Variants in ELAVL4 observed in about 807,000 individuals in gnomAD.
The protein encoded by ELAVL4 is ELAV like RNA binding protein 4.
ELAVL4 carries 1 observed loss-of-function variant against 35.6 expected under a neutral mutation model. The ratio of observed to expected loss-of-function variants is 0.03; its 90% CI spans 0.01 to 0.13. The LOEUF (loss-of-function observed/expected upper bound fraction) is 0.13, where lower values mean the gene tolerates loss of function less well. Among genes scored for constraint, ELAVL4 ranks in the 10% least tolerant of loss-of-function variants. The pLI is 1.00. For synonymous variants in ELAVL4, 156 were observed against 171.0 expected, an observed-to-expected ratio of 0.91 and a Z score of 0.69; for missense variants, 267 against 464.9, an observed-to-expected ratio of 0.57 and a Z score of 3.91.
intron 1 of ELAVL4, among the ~76,000 whole-genome samples, chr1:50,138,963 A>G (rs1406146294): frequency 6.6e-6 from 1 of 152,196 alleles, no homozygotes; most frequent in Non-Finnish European, 1.5e-5. Context: ...GTATACTTTA[A>G]AACTATTTAG....
At chr1:50,171,838 C>G (rs896472701) in intron 2 of ELAVL4, among the ~76,000 whole-genome samples, 1 of 152,164 alleles carries the variant, frequency 6.6e-6, no homozygotes, top group African/African-American at 2.4e-5. Context: ...GTGAAGGAGT[C>G]CCAGGATATG....
rs969828287 is a variant in ELAVL4 at position 50,195,758 on chromosome 1, C to T, written c.706C>T (p.Pro236Ser). 8.7e-6 allele frequency: 14 copies of T among 1,614,022 alleles called. No homozygotes were observed. In the African/African-American group the frequency reaches 1.5e-4, roughly 17 times the overall value. ...GTCCCCCAACCGGCGCTACCCAGGT[C>T]CACTTCACCACCAGGCTCAGAGGTT... The part of the protein sequence containing the change: ...YQSPNRRYPG[P>S]LHHQAQRFRL... Residue 236 changes from proline (P) to serine (S), a missense_variant, in exon 5 of 7, where the codon CCA (proline) becomes TCA (serine). By Grantham distance (74) the Pro-to-Ser change is moderately conservative. This residue lies in a region of ELAVL4 where 216 missense variants were observed against 409.5 expected (regional missense o/e 0.53). Transcript: ENST00000371824.
At chr1:50,141,436 C>T (rs112263153) in intron 1 of ELAVL4, among the ~76,000 whole-genome samples, 79 of 152,222 alleles carry the variant, frequency 5.2e-4, no homozygotes, top group Non-Finnish European at 9.1e-4. Context: ...ATCGAGTTGG[C>T]AGTGCTTCTT....
intron 1 of ELAVL4, among the ~76,000 whole-genome samples, chr1:50,081,074 A>T (rs1489223543): frequency 6.6e-6 from 1 of 152,170 alleles, no homozygotes; most frequent in Non-Finnish European, 1.5e-5. Flanking sequence ...TTTCTGACAA[A>T]AGGAAAACTT....
At chr1:50,057,559 T>G (rs1271285833) in intron 1 of ELAVL4, among the ~76,000 whole-genome samples, 1 of 152,204 alleles carries the variant, frequency 6.6e-6, no homozygotes, top group Non-Finnish European at 1.5e-5. Context: ...TTTTAATCTT[T>G]TATTCTCTAT....
At chr1:50,194,937 G>T (rs957251184) in intron 4 of ELAVL4, among the ~76,000 whole-genome samples, 4 of 152,168 alleles carry the variant, frequency 2.6e-5, no homozygotes, top group Admixed American at 1.3e-4. Context: ...GGCAGTTCAG[G>T]GTGGCTGGTG....
At chr1:50,055,562 G>T (rs1663617198) in intron 1 of ELAVL4, among the ~76,000 whole-genome samples, 3 of 152,070 alleles carry the variant, frequency 2.0e-5, no homozygotes, top group Admixed American at 2.0e-4. Context: ...GCCTCCCAAA[G>T]TGCTGGGATT....
intron 1 of ELAVL4, among the ~76,000 whole-genome samples, chr1:50,142,733 A>G (rs1406178951): frequency 6.6e-6 from 1 of 152,184 alleles, no homozygotes; most frequent in Non-Finnish European, 1.5e-5. Flanking sequence ...CTAAATATAC[A>G]TACACCCTAT....
At chr1:50,108,091 A>C (rs1666500504), upstream of ELAVL4, among the ~76,000 whole-genome samples, 2 of 152,194 alleles carry the variant, frequency 1.3e-5, no homozygotes, top group African/African-American at 4.8e-5. Flanking sequence ...GTTTTAGTGG[A>C]TTTTTAAAAA....
At chr1:50,178,492 T>C (rs1412205091) in intron 3 of ELAVL4, among the ~76,000 whole-genome samples, 11 of 152,206 alleles carry the variant, frequency 7.2e-5, no homozygotes, top group Admixed American at 7.2e-4. Context: ...ACTTTTGCAA[T>C]TGAGTTTAGC....
chr1:50,164,967 C>T (rs1266664269), intron 2 of ELAVL4, among the ~76,000 whole-genome samples: 1 of 152,134 alleles, frequency 6.6e-6, no homozygotes, highest in African/African-American at 2.4e-5. Context: ...ATCTTGTTCC[C>T]ATGTTGCTCC....
chr1:50,048,213 C>A, intron 1 of ELAVL4: 2 of 1,500,906 alleles, frequency 1.3e-6, no homozygotes, highest in Admixed American at 2.1e-5. Context: ...GCCCCGCACC[C>A]CCGACTCTGC....
At chr1:50,159,715 C>A (rs1284983610) in intron 2 of ELAVL4, among the ~76,000 whole-genome samples, 1 of 152,164 alleles carries the variant, frequency 6.6e-6, no homozygotes, top group Non-Finnish European at 1.5e-5. Context: ...CCCAAGGAAC[C>A]CTTTTCCCTC....
At chr1:50,168,726 C>T (rs1678423954) in intron 2 of ELAVL4, among the ~76,000 whole-genome samples, 1 of 152,022 alleles carries the variant, frequency 6.6e-6, no homozygotes, top group South Asian at 2.1e-4. Context: ...TTGCATAACG[C>T]TCTAAACAGG....
chr1:50,200,765 G>C (rs1294646701), intron 6 of ELAVL4, 86 bp from the exon 7 acceptor site: 4 of 1,556,072 alleles, frequency 2.6e-6, no homozygotes, highest in Non-Finnish European at 1.7e-6. Context: ...TCAGCCCTCT[G>C]CCCCATGTCT....
chr1:50,084,413 G>T (rs1170904307), intron 1 of ELAVL4, among the ~76,000 whole-genome samples: 1 of 152,072 alleles, frequency 6.6e-6, no homozygotes, highest in Admixed American at 6.6e-5. Context: ...CATAACCACT[G>T]TTAACATTCT....
At chr1:50,136,871 A>G in intron 1 of ELAVL4, among the ~76,000 whole-genome samples, 1 of 152,210 alleles carries the variant, frequency 6.6e-6, no homozygotes, top group East Asian at 1.9e-4. Flanking sequence ...TGACAGGTGT[A>G]CAAGAACCCT....
intron 6 of ELAVL4, among the ~76,000 whole-genome samples, chr1:50,199,214 A>G (rs939876703): frequency 3.3e-5 from 5 of 152,234 alleles, no homozygotes; most frequent in South Asian, 4.1e-4. Context: ...TTCAGTAGCC[A>G]TTTGATTATC....
intron 1 of ELAVL4, among the ~76,000 whole-genome samples, chr1:50,082,132 A>G (rs986291480): frequency 3.9e-5 from 6 of 152,206 alleles, no homozygotes; most frequent in Admixed American, 2.6e-4. Context: ...CAGTGCCACA[A>G]TAAACATACA....
Sources: gnomAD v4.1 joint callset for allele counts (sites outside exome capture counted in the v4.1 genomes callset) on GRCh38, gnomAD v4.1.1 for gene constraint, gnomAD v4.1.1 regional missense constraint, MANE v1.5 for transcripts, NCBI Gene and HGNC (gene_info 2026-07-23, HGNC 2026-07-21) for gene names.